Variants in SSH2 observed in about 807,000 individuals in gnomAD.
SSH2 encodes slingshot protein phosphatase 2, also known as protein phosphatase Slingshot homolog 2.
Under a neutral mutation model 135.2 loss-of-function variants are expected in SSH2, and 37 were observed. The ratio of observed to expected loss-of-function variants is 0.27; its 90% CI spans 0.21 to 0.36. The LOEUF is 0.36. Ranked by LOEUF, SSH2 falls within the 10% of genes least tolerant of loss-of-function variation. The pLI is 1.00. For synonymous variants in SSH2, 628 were observed against 646.2 expected (o/e 0.97, Z 0.43); for missense variants, 1,408 against 1,765.3 (o/e 0.80, Z 3.63).
At chr17:29,689,235 G>A (rs1328901730) in intron 5 of SSH2, among the ~76,000 whole-genome samples, 1 of 152,132 alleles carries the variant, frequency 6.6e-6, no homozygotes, top group Non-Finnish European at 1.5e-5. Flanking sequence ...CAGCCATAAG[G>A]AAAAGTCTAA....
chr17:29,799,224 C>A (rs2042209333), intron 2 of SSH2, among the ~76,000 whole-genome samples: 1 of 152,138 alleles, frequency 6.6e-6, no homozygotes. Flanking sequence ...GTGACATACA[C>A]AATGCTGCTA....
At chr17:29,730,701 A>T (rs2040158727) in intron 3 of SSH2, among the ~76,000 whole-genome samples, 1 of 152,056 alleles carries the variant, frequency 6.6e-6, no homozygotes, top group Admixed American at 6.6e-5. Flanking sequence ...GGCCTCCCAA[A>T]GTGCTGGGAT....
chr17:29,854,439 A>G (rs1020482016), intron 1 of SSH2, among the ~76,000 whole-genome samples: 1 of 151,910 alleles, frequency 6.6e-6, no homozygotes, highest in Non-Finnish European at 1.5e-5. Context: ...GGAGAAAAAC[A>G]GGGGTTAAGA....
chr17:29,845,053 CAT>C (rs1002839541), intron 2 of SSH2, among the ~76,000 whole-genome samples: 3 of 152,220 alleles, frequency 2.0e-5, no homozygotes, highest in Non-Finnish European at 4.4e-5. Context: ...GTGATTTGCA[CAT>C]GAGTCAATCA....
chr17:29,774,591 A>G (rs1675818080), intron 3 of SSH2, among the ~76,000 whole-genome samples: 1 of 152,160 alleles, frequency 6.6e-6, no homozygotes, highest in Non-Finnish European at 1.5e-5. Context: ...TTTCCTGCAT[A>G]CTTCGTGGAG....
intron 1 of SSH2, among the ~76,000 whole-genome samples, chr17:29,903,770 A>AGTT (rs1472705780): frequency 6.6e-6 from 1 of 152,210 alleles, no homozygotes; most frequent in Non-Finnish European, 1.5e-5. Flanking sequence ...TATGGATACA[A>AGTT]GTTATTTTTG....
chr17:29,769,274 G>C lies in SSH2; in HGVS notation c.188+24620C>G, dbSNP rs1237995852. Among the ~76,000 whole-genome samples, 5 of 152,062 alleles carry C rather than the reference G, an allele frequency of 3.3e-5. No individual in the cohort carries two copies. The East Asian group carries it at 9.6e-4, about 29-fold the overall frequency. On this transcript the variant is annotated intron_variant, in intron 3 of 15. Transcript: ENST00000540801. The stretch of plus-strand genomic sequence containing the variant: ...TCCATGATGATGGAGGTTCATTACA[G>C]GTTTAAACTGAAAAGGTCTATTGCC...
At chr17:29,908,095 G>A (rs755669544) in intron 1 of SSH2, among the ~76,000 whole-genome samples, 10 of 151,152 alleles carry the variant, frequency 6.6e-5, no homozygotes, top group Non-Finnish European at 1.0e-4. Context: ...GGATTTTGGC[G>A]TGAGCCACTG....
intron 3 of SSH2, among the ~76,000 whole-genome samples, chr17:29,782,046 A>G (rs2041853355): frequency 6.6e-6 from 1 of 151,818 alleles, no homozygotes; most frequent in Non-Finnish European, 1.5e-5. Context: ...GGGTTTCACC[A>G]TGTTGGCCAG....
intron 2 of SSH2, among the ~76,000 whole-genome samples, chr17:29,835,811 C>T (rs2042932906): frequency 6.6e-6 from 1 of 151,984 alleles, no homozygotes; most frequent in Non-Finnish European, 1.5e-5. Flanking sequence ...TACCCTATCT[C>T]TACTAAAAAT....
chr17:29,823,959 A>G (rs2151348624), intron 2 of SSH2, among the ~76,000 whole-genome samples: 1 of 152,174 alleles, frequency 6.6e-6, no homozygotes, highest in Middle Eastern at 3.4e-3. Flanking sequence ...TCCCATCTAA[A>G]GGCTTTTATA....
intron 2 of SSH2, among the ~76,000 whole-genome samples, chr17:29,831,165 G>A (rs149261216): frequency 1.1e-4 from 17 of 152,194 alleles, no homozygotes; most frequent in African/African-American, 3.9e-4. Flanking sequence ...CCGGGTGAGG[G>A]TCTGCTACTG....
intron 2 of SSH2, among the ~76,000 whole-genome samples, chr17:29,825,865 G>A (rs991454101): frequency 9.2e-5 from 14 of 152,066 alleles, no homozygotes; most frequent in African/African-American, 2.9e-4. Context: ...ACTATAATTT[G>A]GTCAGAGGTC....
Position 29,636,101 on chromosome 17 carries a change from C to T in SSH2, c.2129G>A (p.Arg710Lys). Residue 710 changes from arginine to lysine, a missense_variant, in exon 15 of 16, where the codon AGG becomes AAG. By Grantham distance (26) the Arg-to-Lys change is conservative. This residue lies in a region of SSH2 where 1,080 missense variants were observed against 1,144.5 expected (regional missense o/e 0.94). Coordinates refer to ENST00000540801, the MANE Select transcript of SSH2 (RefSeq NM_001282129.2). ...HSRMEELGGG[R>K]NESCRLSVVE... ...CACTGACAGTCGACAGCTCTCATTC[C>T]TTCCTCCACCCAGTTCCTCCATCCT... The T allele has an allele frequency of 6.2e-7, 1 of 1,614,230 alleles. No homozygotes were observed. Among genetic ancestry groups the T allele is most frequent in the Non-Finnish European group, 8.5e-7 (1 of 1,180,040 alleles).
intron 3 of SSH2, among the ~76,000 whole-genome samples, chr17:29,735,154 A>G (rs186304191): frequency 6.6e-6 from 1 of 152,268 alleles, no homozygotes; most frequent in Non-Finnish European, 1.5e-5. Flanking sequence ...ATTTCAGTGT[A>G]TTCATGAATT....
intron 1 of SSH2, among the ~76,000 whole-genome samples, chr17:29,901,023 G>T (rs573301977): frequency 1.3e-5 from 2 of 152,038 alleles, no homozygotes; most frequent in East Asian, 3.9e-4. Flanking sequence ...GCAAACTATC[G>T]CAAGAACAAA....
chr17:29,758,393 T>C (rs1044572085), intron 3 of SSH2, among the ~76,000 whole-genome samples: 1 of 152,220 alleles, frequency 6.6e-6, no homozygotes, highest in African/African-American at 2.4e-5. Flanking sequence ...AGTTTCATTA[T>C]CTGTAAACAG....
chr17:29,721,187 A>G (rs1376076928), intron 3 of SSH2, among the ~76,000 whole-genome samples: 1 of 152,240 alleles, frequency 6.6e-6, no homozygotes, highest in East Asian at 1.9e-4. Flanking sequence ...CAAACATTTT[A>G]GTTAGGGTTT....
Position 29,914,486 on chromosome 17 carries a change from G to A in SSH2, c.63+15452C>T, listed in dbSNP as rs572529277. 1.4e-3 allele frequency among the ~76,000 whole-genome samples: 216 copies of A among 151,370 alleles called. 1 individual carries two copies. The highest frequency in any genetic ancestry group is 5.7e-3 in the Admixed American group (87 of 15,190). On this transcript the variant is annotated intron_variant, in intron 1 of 15. Transcript: ENST00000540801. The stretch of plus-strand genomic sequence containing the variant: ...AGGCTGAGGTGGTAGGATGGCTTGA[G>A]CCCAGGGGGTTGAGGTGAGCTATGA...
Sources: allele counts gnomAD v4.1 joint callset (sites outside exome capture counted in the v4.1 genomes callset), GRCh38; gene constraint gnomAD v4.1.1; regional missense constraint gnomAD v4.1.1; transcripts MANE v1.5; gene names NCBI Gene and HGNC (gene_info 2026-07-23, HGNC 2026-07-21).